Variants in GSK3A observed in about 807,000 individuals in gnomAD.
GSK3A encodes glycogen synthase kinase 3 alpha.
GSK3A carries 14 observed loss-of-function variants against 56.6 expected under a neutral mutation model. The observed-to-expected ratio is 0.25, with a 90% CI of 0.16 to 0.39. GSK3A has a LOEUF of 0.39. Ranked by LOEUF, GSK3A falls within the 10% of genes least tolerant of loss-of-function variation. The pLI is 1.00. For synonymous variants in GSK3A, 301 were observed against 285.0 expected (o/e 1.06, Z -0.56); for missense variants, 450 against 656.0 (o/e 0.69, Z 3.43).
intron 7 of GSK3A, 30 bp downstream of exon 7, chr19:42,233,256 C>T (rs764814731): frequency 3.3e-6 from 5 of 1,497,408 alleles, no homozygotes; most frequent in East Asian, 2.3e-5. Context: ...CTCAGCCCCA[C>T]CCCCTGCCCA....
Position 42,230,749 on chromosome 19 carries a change from T to C in GSK3A, c.*45A>G, listed in dbSNP as rs1480590792. On this transcript the variant is annotated 3_prime_UTR_variant, in exon 11 of 11. Coordinates refer to ENST00000222330, the MANE Select transcript of GSK3A (RefSeq NM_019884.3). ...GGCTATGGCCCCCCTTCCCAGCCCCTCTTGGGGCTCCCAGATGGAAGTGGA... is the reference window on the plus strand; with the variant it reads ...GGCTATGGCCCCCCTTCCCAGCCCCCCTTGGGGCTCCCAGATGGAAGTGGA... 6 of 1,434,544 alleles carry C rather than the reference T, an allele frequency of 4.2e-6. No homozygotes were observed. Among genetic ancestry groups the C allele is most frequent in the Middle Eastern group, 1.8e-4 (1 of 5,712 alleles). The allele number at this position is 1,434,544 out of a possible 1,614,324, so 88.9% of individuals were successfully genotyped here.
At chr19:42,240,901 A>G (rs1272272462) in intron 1 of GSK3A, 4 of 152,224 alleles carry the variant, frequency 2.6e-5, no homozygotes, top group Non-Finnish European at 4.4e-5. Context: ...AAGGAAAGCT[A>G]TAATTCCCAA....
At chr19:42,233,070 C>A in intron 8 of GSK3A, 40 bp downstream of exon 8, 1 of 1,318,144 alleles carries the variant, frequency 7.6e-7, no homozygotes, top group African/African-American at 1.5e-5. Flanking sequence ...GGGGGACCAG[C>A]TCTCAGCCAT....
chr19:42,232,972 G>T, intron 8 of GSK3A, 138 bp downstream of exon 8: 1 of 668,352 alleles, frequency 1.5e-6, no homozygotes, highest in Non-Finnish European at 2.6e-6. Flanking sequence ...CTTTGAAAGC[G>T]GATGGATGTT....
chr19:42,234,942 C>T lies in GSK3A; in HGVS notation c.667-264G>A, dbSNP rs2036247088. On this transcript the variant is annotated intron_variant, in intron 4 of 10. Transcript: ENST00000222330. The surrounding 1 kb of genome is among the most constrained non-coding windows in gnomAD (Gnocchi z 5.7). Reference sequence around the variant, plus strand: ...GGGAGGCCAAGACCAGCCTCGCCAACATGTTGAGATCCCGTCTCTACTAAA... The same window carrying T: ...GGGAGGCCAAGACCAGCCTCGCCAATATGTTGAGATCCCGTCTCTACTAAA... 1.3e-5 allele frequency among the ~76,000 whole-genome samples: 2 copies of T among 152,170 alleles called. No individual in the cohort carries two copies. The highest frequency in any genetic ancestry group is 6.5e-5 in the Admixed American group (1 of 15,284).
intron 6 of GSK3A, among the ~76,000 whole-genome samples, chr19:42,233,653 C>T (rs890788392): frequency 6.6e-6 from 1 of 152,162 alleles, no homozygotes; most frequent in Non-Finnish European, 1.5e-5. Flanking sequence ...TAGCCTTGGA[C>T]GACAGACCAA....
chr19:42,231,191 GT>G lies in GSK3A; in HGVS notation c.1379-325del, dbSNP rs2036221678. ...CCTGGCCAACATGGTGAAACTCCAT[GT>G]CTACTCAAAATACAAAAATAAGCCA... On this transcript the variant is annotated intron_variant, in intron 10 of 10. Transcript: ENST00000222330. Among the ~76,000 whole-genome samples the G allele has an allele frequency of 2.0e-5, 3 of 151,588 alleles. No homozygotes were observed. The South Asian group carries it at 6.2e-4, about 32-fold the overall frequency.
chr19:42,230,826 C>T lies in GSK3A; in HGVS notation c.1420G>A (p.Asp474Asn), dbSNP rs1375007525. 1.3e-6 allele frequency: 2 copies of T among 1,563,024 alleles called. No individual in the cohort carries two copies. Among genetic ancestry groups the T allele is most frequent in the Non-Finnish European group, 1.7e-6 (2 of 1,153,324 alleles). Residue 474 changes from aspartate to asparagine, a missense_variant, in exon 11 of 11, where the codon GAT becomes AAT. Around this residue, in one of 3 missense-constraint regions of GSK3A, gnomAD observed 113 missense variants for 147.5 expected, o/e 0.77. Transcript: ENST00000222330. ...GAGTTAGTGAGGGTAGGTGTGGCAT[C>T]GGTCGACTGCCAGTCTGAGCTGGTC... ...TPTSSDWQST[D>N]ATPTLTNSS
chr19:42,232,797 C>T, intron 8 of GSK3A, 115 bp from the exon 9 acceptor site: 1 of 853,644 alleles, frequency 1.2e-6, no homozygotes, highest in Non-Finnish European at 1.8e-6. Flanking sequence ...TCCCACACCC[C>T]CACCTTCCAA....
At position 42,234,659 on chromosome 19, in the gene GSK3A, A is replaced by G; in HGVS notation, c.686T>C (p.Phe229Ser). 6.2e-7 allele frequency: 1 copy of G among 1,608,088 alleles called. No individual in the cohort carries two copies. The highest frequency in any genetic ancestry group is 8.5e-7 in the Non-Finnish European group (1 of 1,177,394). Residue 229 changes from phenylalanine to serine, a missense_variant, in exon 5 of 11, where the codon TTC (phenylalanine) becomes TCC (serine). Phe to Ser is a radical substitution (Grantham distance 155). Around this residue, in one of 3 missense-constraint regions of GSK3A, gnomAD observed 144 missense variants for 308.0 expected, o/e 0.47. Coordinates refer to ENST00000222330, the MANE Select transcript of GSK3A (RefSeq NM_019884.3). The surrounding 1 kb of genome is among the most constrained non-coding windows in gnomAD (Gnocchi z 5.7). ...GGAGTGGATGTAGGCCAAGCTGCGG[A>G]AGAGCTGGTACATGTACACCTGCGG... ...LYVKVYMYQLFRSLAYIHSQG... is the reference protein window; with the variant it reads ...LYVKVYMYQLSRSLAYIHSQG...
At chr19:42,238,807 C>CA (rs112368825) in intron 2 of GSK3A, among the ~76,000 whole-genome samples, 1,435 of 139,028 alleles carry the variant, frequency 0.01, 26 homozygotes, top group African/African-American at 0.034. Flanking sequence ...ACTAAAAATA[C>CA]AAAAAAAAAA....
In GSK3A at chr19:42,230,485, A is replaced by T; in HGVS notation, c.*309T>A. 1 of 355,434 alleles carries T rather than the reference A, an allele frequency of 2.8e-6. No homozygotes were observed. Among genetic ancestry groups the T allele is most frequent in the Non-Finnish European group, 4.8e-6 (1 of 208,960 alleles). The allele number at this position is 355,434 out of a possible 1,614,324, so 22.0% of individuals were successfully genotyped here. Reference sequence around the variant, plus strand: ...GGCTGGTTCTATTTACAAGGGACACAGGAGGGGAGGGGGTCTGGAGGAGGT... The same window carrying T: ...GGCTGGTTCTATTTACAAGGGACACTGGAGGGGAGGGGGTCTGGAGGAGGT... On this transcript the variant is annotated 3_prime_UTR_variant, in exon 11 of 11. Coordinates refer to ENST00000222330, the MANE Select transcript of GSK3A (RefSeq NM_019884.3).
chr19:42,240,483 T>C (rs569242954), intron 1 of GSK3A: 3 of 506,598 alleles, frequency 5.9e-6, no homozygotes, highest in Admixed American at 7.0e-5. Flanking sequence ...CTCCATCTAC[T>C]CTGGATCTAC....
chr19:42,239,880 A>G, intron 2 of GSK3A, 75 bp downstream of exon 2: 5 of 1,248,492 alleles, frequency 4.0e-6, no homozygotes, highest in Non-Finnish European at 5.8e-6. Context: ...CCAAGCCTCC[A>G]GCTCTCTGGC....
Position 42,234,449 on chromosome 19 carries a change from A to G in GSK3A, c.808T>C (p.Leu270=). The change falls in exon 6 of 11, where the codon TTG becomes CTG. Residue 270 remains leucine, a synonymous_variant. Transcript: ENST00000222330. This position sits in a 1 kb window ranked among gnomAD's most constrained non-coding sequence, Gnocchi z 5.7. ...GAGACATTGGGCTCCCCTCGGACCAACTGCTTTGCACTGTGGGAAGAGATG... is the reference window on the plus strand; with the variant it reads ...GAGACATTGGGCTCCCCTCGGACCAGCTGCTTTGCACTGTGGGAAGAGATG... ...KLCDFGSAKQ[L]VRGEPNVSYI... The G allele has an allele frequency of 6.2e-7, 1 of 1,614,154 alleles. No individual in the cohort carries two copies. The highest frequency in any genetic ancestry group is 8.5e-7 in the Non-Finnish European group (1 of 1,179,998).
Position 42,232,075 on chromosome 19 carries a change from G to A in GSK3A, c.1360C>T (p.Leu454Phe), listed in dbSNP as rs11550536. Reference protein sequence around the residue: ...HLRSPAGTTTLTPSSQALTET... With the variant: ...HLRSPAGTTTFTPSSQALTET... ...CACTTACCTTGTGAGGACGGGGTGA[G>A]GGTGGTAGTGCCCGCTGGGGACCTC... The change falls in exon 10 of 11, where the codon CTC becomes TTC. Residue 454 changes from leucine (L) to phenylalanine (F), a missense_variant. By Grantham distance (22) the Leu-to-Phe change is conservative. Around this residue, in one of 3 missense-constraint regions of GSK3A, gnomAD observed 113 missense variants for 147.5 expected, o/e 0.77. Coordinates refer to ENST00000222330, the MANE Select transcript of GSK3A (RefSeq NM_019884.3). The A allele has an allele frequency of 1.2e-6, 2 of 1,604,792 alleles. No homozygotes were observed. The highest frequency in any genetic ancestry group is 2.7e-5 in the African/African-American group (2 of 74,696).
chr19:42,239,598 G>C (rs1416434229), intron 2 of GSK3A, among the ~76,000 whole-genome samples: 4 of 152,172 alleles, frequency 2.6e-5, no homozygotes, highest in Admixed American at 2.0e-4. Flanking sequence ...TTCCAGCCTT[G>C]ACTGGGGCAC....
At chr19:42,237,478 GCGCC>G (rs1568466322) in intron 2 of GSK3A, among the ~76,000 whole-genome samples, 1 of 151,638 alleles carries the variant, frequency 6.6e-6, no homozygotes, top group Admixed American at 6.6e-5. Context: ...GTGAGGCACC[GCGCC>G]CAGCCACCCC....
At chr19:42,231,922 G>A in intron 10 of GSK3A, 135 bp downstream of exon 10, 1 of 588,624 alleles carries the variant, frequency 1.7e-6, no homozygotes, top group Non-Finnish European at 3.1e-6. Context: ...TTCACATGTT[G>A]TAAGATGTGT....
Sources: gnomAD v4.1 joint callset for allele counts (sites outside exome capture counted in the v4.1 genomes callset) on GRCh38, gnomAD v4.1.1 for gene constraint, gnomAD v4.1.1 regional missense constraint, Gnocchi (gnomAD v3.1) non-coding constraint, MANE v1.5 for transcripts, NCBI Gene and HGNC (gene_info 2026-07-23, HGNC 2026-07-21) for gene names.